The following ADSL variants were observed in gnomAD, a reference collection of about 807,000 sequenced individuals.
The protein encoded by ADSL is adenylosuccinate lyase, also known as adenylosuccinase.
A neutral mutation model predicts 62.1 loss-of-function variants in ADSL; 44 were observed. The observed-to-expected ratio is 0.71, with a 90% CI of 0.56 to 0.91. ADSL has a LOEUF of 0.91. ADSL is among the 40% of genes least tolerant of loss of function. The pLI, the probability that ADSL is intolerant of heterozygous loss-of-function variation, is 0.00. For missense variants in ADSL, 531 were observed against 627.4 expected (o/e 0.85, Z 1.64); for synonymous variants, 198 against 220.5 (o/e 0.90, Z 0.90).
At chr22:40,350,116 G>A (rs1417028262) in intron 2 of ADSL, 81 bp downstream of exon 2, 4 of 1,364,458 alleles carry the variant, frequency 2.9e-6, no homozygotes, top group African/African-American at 1.5e-5. Flanking sequence ...TCCAGTTGAG[G>A]AAGTGACACT....
At chr22:40,349,122 C>T (rs940460855) in intron 1 of ADSL, among the ~76,000 whole-genome samples, 1 of 152,042 alleles carries the variant, frequency 6.6e-6, no homozygotes, top group African/African-American at 2.4e-5. Context: ...AACAAAGCTC[C>T]TCAAGAAGTA....
At chr22:40,376,830 A>G (rs1453692446) in intron 2 of ADSL, among the ~76,000 whole-genome samples, 6 of 152,196 alleles carry the variant, frequency 3.9e-5, no homozygotes, top group Admixed American at 3.9e-4. Context: ...AGTTTTGAAG[A>G]TTAAATAAAA....
chr22:40,380,904 C>G (rs1433882696), intron 2 of ADSL, among the ~76,000 whole-genome samples: 1 of 152,028 alleles, frequency 6.6e-6, no homozygotes, highest in Non-Finnish European at 1.5e-5. Flanking sequence ...CACTTCCCTC[C>G]AGCCTGGACA....
intron 2 of ADSL, chr22:40,376,642 A>C (rs1206312696): frequency 2.0e-5 from 3 of 152,154 alleles, no homozygotes; most frequent in African/African-American, 7.2e-5. Flanking sequence ...CATCAACCCT[A>C]TGTATTGCTA....
intron 1 of ADSL, chr22:40,348,536 A>G (rs78281341): frequency 0.04 from 16,118 of 398,562 alleles, 403 homozygotes; most frequent in Non-Finnish European, 0.056. Flanking sequence ...GCACGCCACC[A>G]CGCCCGGCAA....
chr22:40,386,607 A>T (rs1231549522), intron 2 of ADSL, among the ~76,000 whole-genome samples: 1 of 131,128 alleles, frequency 7.6e-6, no homozygotes, highest in African/African-American at 2.9e-5. Context: ...AGACAACTAG[A>T]GATCAGGTCT....
At chr22:40,347,916 A>G (rs192360939) in intron 1 of ADSL, among the ~76,000 whole-genome samples, 8 of 152,302 alleles carry the variant, frequency 5.3e-5, no homozygotes, top group South Asian at 2.1e-4. Flanking sequence ...TACTCTTTCT[A>G]TTTCATCTGA....
At position 40,380,390 on chromosome 22, in the gene ADSL, A is replaced by G. The variant is rs1235342849; in HGVS notation, c.90-9840A>G. Among the ~76,000 whole-genome samples the G allele has an allele frequency of 9.0e-5, 13 of 144,006 alleles. No individual in the cohort carries two copies. In the East Asian group the frequency reaches 1.6e-3, roughly 18 times the overall value. The allele number at this position is 144,006 out of a possible 152,430, so 94.5% of individuals were successfully genotyped here. ...TTTTTTTTTTTTTTTTTCCTGAGACAGGGTCTCACTCTGTCACCCAGGCTG... is the reference window on the plus strand; with the variant it reads ...TTTTTTTTTTTTTTTTTCCTGAGACGGGGTCTCACTCTGTCACCCAGGCTG... On this transcript the variant is annotated intron_variant, in intron 2 of 2. Coordinates refer to the ADSL transcript ENST00000498234.
chr22:40,385,854 CT>C (rs371024546), intron 2 of ADSL, among the ~76,000 whole-genome samples: 12 of 149,416 alleles, frequency 8.0e-5, no homozygotes, highest in African/African-American at 2.0e-4. Context: ...AGAGGAACAA[CT>C]TTTTTTTTTC....
chr22:40,371,720 C>G (rs1373933476), downstream of ADSL, among the ~76,000 whole-genome samples: 1 of 150,734 alleles, frequency 6.6e-6, no homozygotes, highest in African/African-American at 2.5e-5. Context: ...TTTTTTAAGA[C>G]GGGAGTTTCG....
chr22:40,360,558 C>T, intron 7 of ADSL, 66 bp downstream of exon 7: 1 of 1,141,476 alleles, frequency 8.8e-7, no homozygotes, highest in Non-Finnish European at 1.3e-6. Flanking sequence ...CTGAATTAAC[C>T]TCAGACTTTT....
rs756859090 is a variant in ADSL, at chr22:40,364,860, A to G, written c.1192-20A>G. ...ACGCCCTGTTAGTAGGGAACTGACA[A>G]TACTTCACTGTCTTCCCAGGATTGC... On this transcript the variant is annotated intron_variant, in intron 11 of 12. Transcript: ENST00000623063. The G allele has an allele frequency of 4.3e-6, 7 of 1,614,018 alleles. No individual in the cohort carries two copies. Among genetic ancestry groups the G allele is most frequent in the Admixed American group, 3.3e-5 (2 of 60,026 alleles).
intron 2 of ADSL, among the ~76,000 whole-genome samples, chr22:40,351,596 C>T (rs1601556987): frequency 1.3e-5 from 2 of 151,996 alleles, no homozygotes; most frequent in South Asian, 2.1e-4. Context: ...AGTGAGCCAG[C>T]GTACCTGGCC....
chr22:40,354,299 C>G lies in ADSL; in HGVS notation c.454C>G (p.Leu152Val). 6.2e-7 allele frequency: 1 copy of G among 1,614,156 alleles called. No individual in the cohort carries two copies. The highest frequency in any genetic ancestry group is 8.5e-7 in the Non-Finnish European group (1 of 1,180,004). ...LADFAKERASLPTLGFTHFQP... is the reference protein window; with the variant it reads ...LADFAKERASVPTLGFTHFQP... ...CGACTTTGCTAAGGAACGAGCCAGT[C>G]TACCCACATTAGGTTTCACACATTT... is the stretch of plus-strand genomic sequence containing the variant. The change falls in exon 4 of 13, where the codon CTA (leucine) becomes GTA (valine). Residue 152 changes from leucine (L) to valine (V), a missense_variant. Leu to Val is a conservative substitution (Grantham distance 32, BLOSUM62 1). This residue lies in a region of ADSL where 471 missense variants were observed against 592.9 expected (regional missense o/e 0.79). Transcript: ENST00000623063.
intron 2 of ADSL, among the ~76,000 whole-genome samples, chr22:40,380,901 C>T (rs1334452694): frequency 1.3e-5 from 2 of 152,012 alleles, no homozygotes; most frequent in Non-Finnish European, 2.9e-5. Flanking sequence ...CACCACTTCC[C>T]TCCAGCCTGG....
chr22:40,355,418 A>G (rs1376495167), intron 4 of ADSL, among the ~76,000 whole-genome samples: 3 of 152,130 alleles, frequency 2.0e-5, no homozygotes, highest in Admixed American at 1.3e-4. Context: ...TCGGCCTCCC[A>G]AAGTGCTGGG....
At chr22:40,380,586 C>T (rs183667395) in intron 2 of ADSL, among the ~76,000 whole-genome samples, 1 of 152,172 alleles carries the variant, frequency 6.6e-6, no homozygotes, top group East Asian at 1.9e-4. Context: ...AGGCTGGTCT[C>T]GAACTCCTGA....
intron 1 of ADSL, chr22:40,347,380 ATTTCT>A (rs2146615806): frequency 6.6e-6 from 1 of 152,402 alleles, no homozygotes; most frequent in African/African-American, 2.4e-5. Flanking sequence ...GGGGTTTATA[ATTTCT>A]TTTCTAAGGG....
At chr22:40,354,454 A>T in intron 4 of ADSL, 127 bp downstream of exon 4, 1 of 822,244 alleles carries the variant, frequency 1.2e-6, no homozygotes, top group Non-Finnish European at 2.1e-6. Context: ...GTAATTTGGG[A>T]TGCTTATAAG....
Sources: gnomAD v4.1 joint callset for allele counts (sites outside exome capture counted in the v4.1 genomes callset) on GRCh38, gnomAD v4.1.1 for gene constraint, gnomAD v4.1.1 regional missense constraint, MANE v1.5 for transcripts, NCBI Gene and HGNC (gene_info 2026-07-23, HGNC 2026-07-21) for gene names.